The following LINGO2 variants were observed in gnomAD, a reference collection of about 807,000 sequenced individuals.
The protein encoded by LINGO2 is leucine rich repeat and Ig domain containing 2.
Under a neutral mutation model 30.6 loss-of-function variants are expected in LINGO2, and 14 were observed. The observed-to-expected ratio is 0.46, with a 90% CI of 0.30 to 0.72. LINGO2 has a LOEUF of 0.72. Among genes scored for constraint, LINGO2 ranks in the 30% least tolerant of loss-of-function variants. The probability of loss-of-function intolerance (pLI) is 0.07; values close to 1 mark genes in which losing one functional copy is unlikely to be tolerated. For synonymous variants in LINGO2, 317 were observed against 288.5 expected (o/e 1.10, Z -1.00); for missense variants, 729 against 751.7 (o/e 0.97, Z 0.35).
the LINGO2 span, among the ~76,000 whole-genome samples, chr9:28,936,701 T>C: frequency 6.6e-6 from 1 of 152,200 alleles, no homozygotes; most frequent in Non-Finnish European, 1.5e-5. Flanking sequence ...AATGTACATA[T>C]AGGGCTTAAA....
At chr9:28,263,962 T>A (rs559449282) in intron 4 of LINGO2, among the ~76,000 whole-genome samples, 1 of 151,962 alleles carries the variant, frequency 6.6e-6, no homozygotes, top group African/African-American at 2.4e-5. Context: ...TTATGATTAT[T>A]ATTTGTTACT....
At chr9:28,088,790 C>T (rs1039522503) in intron 4 of LINGO2, among the ~76,000 whole-genome samples, 11 of 152,174 alleles carry the variant, frequency 7.2e-5, no homozygotes, top group Admixed American at 5.2e-4. Flanking sequence ...AGAGTCAAGA[C>T]CCATCAGTGT....
intron 4 of LINGO2, among the ~76,000 whole-genome samples, chr9:28,105,182 C>T (rs548105252): frequency 6.6e-6 from 1 of 152,222 alleles, no homozygotes; most frequent in Non-Finnish European, 1.5e-5. Flanking sequence ...TTCTGTTTTC[C>T]CTCTCAACAA....
chr9:28,787,569 G>A, the LINGO2 span, among the ~76,000 whole-genome samples: 25 of 152,140 alleles, frequency 1.6e-4, no homozygotes, highest in Admixed American at 6.5e-4. Context: ...AAATAACCCT[G>A]CAATGTCTAC....
At chr9:29,055,940 G>GTGTATATATATATGTGTGTATA in the LINGO2 span, among the ~76,000 whole-genome samples, 1 of 120,020 alleles carries the variant, frequency 8.3e-6, no homozygotes, top group African/African-American at 3.2e-5. Flanking sequence ...ATGTGTGTGT[G>GTGTATATATATATGTGTGTATA]TATATATACA....
intron 1 of LINGO2, among the ~76,000 whole-genome samples, chr9:28,563,322 G>C (rs116637058): frequency 1.3e-5 from 2 of 151,964 alleles, no homozygotes; most frequent in Non-Finnish European, 2.9e-5. Context: ...AATTAAAATC[G>C]GGTACTTACA....
intron 1 of LINGO2, among the ~76,000 whole-genome samples, chr9:28,663,936 G>C (rs893084982): frequency 6.6e-6 from 1 of 151,938 alleles, no homozygotes; most frequent in African/African-American, 2.4e-5. Context: ...ACCTAAAAAG[G>C]CTTGAGTTAT....
the LINGO2 span, among the ~76,000 whole-genome samples, chr9:28,953,768 C>T: frequency 1.3e-5 from 2 of 152,018 alleles, no homozygotes; most frequent in East Asian, 3.9e-4. Flanking sequence ...AGCATAGCAA[C>T]ATTTTATGAG....
At chr9:29,006,315 G>T in the LINGO2 span, among the ~76,000 whole-genome samples, 4 of 151,966 alleles carry the variant, frequency 2.6e-5, no homozygotes, top group South Asian at 8.3e-4. Flanking sequence ...CCAGAGAAGG[G>T]CTCTGCTTGG....
chr9:29,147,914 T>C, the LINGO2 span, among the ~76,000 whole-genome samples: 3 of 152,078 alleles, frequency 2.0e-5, no homozygotes, highest in Admixed American at 6.5e-5. Context: ...TATAATTCTT[T>C]AGTGATTCAT....
chr9:28,952,651 C>T, the LINGO2 span, among the ~76,000 whole-genome samples: 11 of 152,162 alleles, frequency 7.2e-5, no homozygotes, highest in South Asian at 4.2e-4. Flanking sequence ...CTGGCCTTTT[C>T]GAGACCTATG....
the LINGO2 span, among the ~76,000 whole-genome samples, chr9:29,044,600 A>G: frequency 3.9e-5 from 6 of 152,100 alleles, no homozygotes; most frequent in African/African-American, 1.4e-4. Flanking sequence ...CTGGGAATTT[A>G]TTGTAAAGGG....
At chr9:28,745,303 A>G in the LINGO2 span, among the ~76,000 whole-genome samples, 1 of 152,004 alleles carries the variant, frequency 6.6e-6, no homozygotes, top group East Asian at 1.9e-4. Context: ...CTTCAGCTCT[A>G]TGTTGGTTGG....
At chr9:27,943,146 G>C (rs1823231085), downstream of LINGO2, 1 of 152,028 alleles carries the variant, frequency 6.6e-6, no homozygotes, top group Admixed American at 6.6e-5. Flanking sequence ...TCAATATATT[G>C]CAGTGTAAAG....
chr9:28,774,559 A>T, the LINGO2 span, among the ~76,000 whole-genome samples: 1 of 152,054 alleles, frequency 6.6e-6, no homozygotes, highest in East Asian at 1.9e-4. Context: ...ACTGATGTGC[A>T]TGATTTAAAA....
At chr9:28,431,029 T>TGAGGGAGA (rs1823650651) in intron 2 of LINGO2, among the ~76,000 whole-genome samples, 1 of 129,358 alleles carries the variant, frequency 7.7e-6, no homozygotes, top group Non-Finnish European at 1.6e-5. Context: ...GCATGAGTGA[T>TGAGGGAGA]GAGAGAGAGA....
chr9:28,954,921 G>C, the LINGO2 span, among the ~76,000 whole-genome samples: 1 of 152,110 alleles, frequency 6.6e-6, no homozygotes, highest in Non-Finnish European at 1.5e-5. Context: ...AAGGGAAACT[G>C]CCCTGCTCAT....
intron 1 of LINGO2, among the ~76,000 whole-genome samples, chr9:28,507,165 G>T (rs1292656343): frequency 7.3e-5 from 11 of 151,596 alleles, no homozygotes; most frequent in Admixed American, 6.6e-4. Flanking sequence ...TTTTTATCCT[G>T]GATAGCTCAG....
chr9:28,981,648 T>C, the LINGO2 span, among the ~76,000 whole-genome samples: 1 of 152,094 alleles, frequency 6.6e-6, no homozygotes, highest in Admixed American at 6.6e-5. Flanking sequence ...TCAAATGGTA[T>C]TGAATCCAGA....
Sources: gnomAD v4.1 joint callset for allele counts (sites outside exome capture counted in the v4.1 genomes callset) on GRCh38, gnomAD v4.1.1 for gene constraint, MANE v1.5 for transcripts, NCBI Gene and HGNC (gene_info 2026-07-23, HGNC 2026-07-21) for gene names.